Variants in MMAA observed in about 807,000 individuals in gnomAD.
MMAA encodes the protein methylmalonic aciduria type A protein, mitochondrial.
In MMAA, 41 loss-of-function variants were observed where a neutral mutation model predicts 45.0. The observed-to-expected ratio is 0.91, with a 90% confidence interval of 0.71 to 1.18. The LOEUF (loss-of-function observed/expected upper bound fraction) is 1.18, where lower values mean the gene tolerates loss of function less well. MMAA is among the 50% of genes most tolerant of loss of function. MMAA has a pLI of 0.00. For missense variants in MMAA, 460 were observed against 495.7 expected, an observed-to-expected ratio of 0.93 and a Z score of 0.68; for synonymous variants, 154 against 178.2, an observed-to-expected ratio of 0.86 and a Z score of 1.08.
At chr4:145,619,828 A>T (rs1221721530) in intron 1 of MMAA, among the ~76,000 whole-genome samples, 1 of 152,146 alleles carries the variant, frequency 6.6e-6, no homozygotes, top group African/African-American at 2.4e-5. Flanking sequence ...AGTGAAATTG[A>T]AACTCTTTTC....
chr4:145,652,714 A>G (rs1728129736), intron 5 of MMAA, among the ~76,000 whole-genome samples: 1 of 151,924 alleles, frequency 6.6e-6, no homozygotes, highest in African/African-American at 2.4e-5. Context: ...TAGGTGACAG[A>G]GTGAGACTCT....
At chr4:145,625,245 G>T in intron 1 of MMAA, 2 of 975,996 alleles carry the variant, frequency 2.0e-6, no homozygotes, top group South Asian at 1.3e-5. Flanking sequence ...TCCTGTTGCT[G>T]ACTCTTGAGG....
At chr4:145,626,003 G>A in intron 1 of MMAA, 1 of 1,417,742 alleles carries the variant, frequency 7.1e-7, no homozygotes, top group Non-Finnish European at 9.9e-7. Flanking sequence ...CTCTATTACT[G>A]GAGCTGCCAC....
rs1003918870 is a variant in MMAA at position 145,628,666 on chromosome 4, T to C, written c.-66+9259T>C. Among the ~76,000 whole-genome samples the C allele has an allele frequency of 4.6e-5, 7 of 152,378 alleles. No individual in the cohort carries two copies. The South Asian group carries it at 1.2e-3, about 27-fold the overall frequency. ...AGCAACTTTAGTTCCATCTGCAACT[T>C]TAATTCCCTATTTGCCATATAACAT... On this transcript the variant is annotated intron_variant, in intron 1 of 6. Coordinates refer to ENST00000649156, the MANE Select transcript of MMAA (RefSeq NM_172250.3).
intron 1 of MMAA, among the ~76,000 whole-genome samples, chr4:145,635,803 C>A (rs1436083293): frequency 1.3e-5 from 2 of 152,218 alleles, no homozygotes; most frequent in Admixed American, 1.3e-4. Flanking sequence ...CTCATGCCAC[C>A]AGCATCACTG....
At chr4:145,642,135 A>C (rs545664834) in intron 2 of MMAA, among the ~76,000 whole-genome samples, 1 of 152,300 alleles carries the variant, frequency 6.6e-6, no homozygotes, top group African/African-American at 2.4e-5. Context: ...TTTAAAAGTG[A>C]ATTTTGTGAA....
chr4:145,651,536 G>A (rs527452304), intron 5 of MMAA, among the ~76,000 whole-genome samples: 54 of 152,248 alleles, frequency 3.5e-4, no homozygotes, highest in African/African-American at 1.3e-3. Context: ...CCTCTGCACC[G>A]CAGTTCTGGC....
In MMAA at chr4:145,659,235, A is replaced by G. The variant is rs886059116; in HGVS notation, c.*3801A>G. Reference sequence around the variant, plus strand: ...TCCCACTTGAGATGAATACTTATTTATAGTCCCTGTCCCATGAAGCTTCTG... The same window carrying G: ...TCCCACTTGAGATGAATACTTATTTGTAGTCCCTGTCCCATGAAGCTTCTG... On this transcript the variant is annotated 3_prime_UTR_variant, in exon 7 of 7. Transcript: ENST00000649156. 6 of 152,194 alleles carry G rather than the reference A, an allele frequency of 3.9e-5. No individual in the cohort carries two copies. The East Asian group carries it at 9.6e-4, about 24-fold the overall frequency. 9.4% of individuals were successfully genotyped at this position (152,194 alleles called of 1,614,324 possible).
chr4:145,630,658 G>T (rs1190325201), intron 1 of MMAA, among the ~76,000 whole-genome samples: 5 of 152,304 alleles, frequency 3.3e-5, no homozygotes, highest in Admixed American at 2.0e-4. Flanking sequence ...AACCCAGGAG[G>T]CGGAGGTTGT....
intron 5 of MMAA, among the ~76,000 whole-genome samples, chr4:145,652,729 CAA>C: frequency 6.6e-6 from 1 of 151,840 alleles, no homozygotes; most frequent in Non-Finnish European, 1.5e-5. Context: ...GACTCTGTCT[CAA>C]AACAACAACA....
intron 4 of MMAA, among the ~76,000 whole-genome samples, chr4:145,649,125 CA>C (rs201679920): frequency 0.069 from 6,192 of 89,814 alleles, 400 homozygotes; most frequent in African/African-American, 0.2. Flanking sequence ...TTGGTTCTAT[CA>C]AAAAAAAAAA....
chr4:145,634,261 G>A (rs1363591246), intron 1 of MMAA, among the ~76,000 whole-genome samples: 1 of 152,134 alleles, frequency 6.6e-6, no homozygotes, highest in Non-Finnish European at 1.5e-5. Flanking sequence ...GGCTAAGCTG[G>A]TGTTCAAACC....
intron 4 of MMAA, among the ~76,000 whole-genome samples, chr4:145,648,601 A>G (rs567725634): frequency 9.2e-5 from 14 of 152,272 alleles, no homozygotes; most frequent in African/African-American, 3.4e-4. Flanking sequence ...CACCTTAAAA[A>G]CCAAATATAT....
At chr4:145,625,771 C>T in intron 1 of MMAA, 2 of 1,245,552 alleles carry the variant, frequency 1.6e-6, no homozygotes, top group Non-Finnish European at 2.4e-6. Context: ...AGCTGCTGAG[C>T]CTGCTGTTGA....
Position 145,639,420 on chromosome 4 carries a change from T to C in MMAA, c.281T>C (p.Ile94Thr), listed in dbSNP as rs1727718773. ...GTGGATAAACTTTATACTGGTTTAATCCAAGGGCAAAGGGCCTGTTTAGCA... is the reference window on the plus strand; with the variant it reads ...GTGGATAAACTTTATACTGGTTTAACCCAAGGGCAAAGGGCCTGTTTAGCA... ...RFVDKLYTGL[I>T]QGQRACLAEA... Residue 94 changes from isoleucine (I) to threonine (T), a missense_variant, in exon 2 of 7, where the codon ATC (isoleucine) becomes ACC (threonine). By Grantham distance (89) the Ile-to-Thr change is moderately conservative. Transcript: ENST00000649156. 1 of 1,614,214 alleles carries C rather than the reference T, an allele frequency of 6.2e-7. No homozygotes were observed. The highest frequency in any genetic ancestry group is 8.5e-7 in the Non-Finnish European group (1 of 1,180,044).
At chr4:145,627,232 A>C (rs1734222499) in intron 1 of MMAA, among the ~76,000 whole-genome samples, 1 of 152,226 alleles carries the variant, frequency 6.6e-6, no homozygotes, top group East Asian at 1.9e-4. Context: ...ACATAATTTC[A>C]TGTAGTAAAG....
intron 1 of MMAA, among the ~76,000 whole-genome samples, chr4:145,632,814 G>C (rs1017499188): frequency 1.3e-5 from 2 of 151,134 alleles, no homozygotes; most frequent in African/African-American, 2.4e-5. Flanking sequence ...CTGGAGTGTA[G>C]TGGTGTGATC....
chr4:145,626,786 A>G (rs1052796405), intron 1 of MMAA, among the ~76,000 whole-genome samples: 5 of 152,190 alleles, frequency 3.3e-5, no homozygotes, highest in Non-Finnish European at 5.9e-5. Context: ...GAAAAAATGC[A>G]TGCACGATGC....
In MMAA at chr4:145,651,119, T is replaced by C; in HGVS notation, c.791T>C (p.Leu264Pro). ...ATGGTTGACATGTTTGTTTTACTAC[T>C]GCCACCAGCAGGAGGAGATGAGCTG... ...ADMVDMFVLL[L>P]PPAGGDELQG... Residue 264 changes from leucine to proline, a missense_variant, in exon 5 of 7, where the codon CTG (leucine) becomes CCG (proline). Transcript: ENST00000649156. The C allele has an allele frequency of 6.2e-7, 1 of 1,614,186 alleles. No individual in the cohort carries two copies. Among genetic ancestry groups the C allele is most frequent in the Non-Finnish European group, 8.5e-7 (1 of 1,180,012 alleles).
Sources: gnomAD v4.1 joint callset for allele counts (sites outside exome capture counted in the v4.1 genomes callset) on GRCh38, gnomAD v4.1.1 for gene constraint, MANE v1.5 for transcripts, NCBI Gene and HGNC (gene_info 2026-07-23, HGNC 2026-07-21) for gene names.